Variants in BCAR3 observed in about 807,000 individuals in gnomAD.
The protein encoded by BCAR3 is BCAR3 adaptor protein, NSP family member, also known as breast cancer anti-estrogen resistance protein 3.
A neutral mutation model predicts 80.1 loss-of-function variants in BCAR3; 37 were observed. The observed-to-expected ratio is 0.46, with a 90% CI of 0.36 to 0.61. The LOEUF (loss-of-function observed/expected upper bound fraction) is 0.61. Ranked by LOEUF, BCAR3 falls within the 20% of genes least tolerant of loss-of-function variation. The pLI, the probability that BCAR3 is intolerant of heterozygous loss-of-function variation, is 0.00. For missense variants in BCAR3, 978 were observed against 1,068.2 expected (o/e 0.92, Z 1.18); for synonymous variants, 389 against 418.9 (o/e 0.93, Z 0.87).
chr1:93,660,053 CGTGT>C (rs76729025), intron 2 of BCAR3, among the ~76,000 whole-genome samples: 59 of 147,320 alleles, frequency 4.0e-4, no homozygotes, highest in African/African-American at 8.5e-4. Context: ...AATAAATGAA[CGTGT>C]GTGTGTGTGT....
At position 93,592,179 on chromosome 1, in the gene BCAR3, G is replaced by A; in HGVS notation, c.486+86C>T. The A allele has an allele frequency of 6.4e-7, 1 of 1,565,828 alleles. No individual in the cohort carries two copies. The highest frequency in any genetic ancestry group is 8.6e-7 in the Non-Finnish European group (1 of 1,156,962). On this transcript the variant is annotated intron_variant, in intron 4 of 11. Transcript: ENST00000260502. The surrounding 1 kb of genome is among the most constrained non-coding windows in gnomAD (Gnocchi z 4.8). ...TTACACAGGTGCTTCCGCCCATGTG[G>A]CCTCGGAGTGGGACCCTGCGGGTCA...
At chr1:93,839,338 A>G (rs534022615) in intron 2 of BCAR3, among the ~76,000 whole-genome samples, 5 of 152,242 alleles carry the variant, frequency 3.3e-5, no homozygotes, top group Non-Finnish European at 7.3e-5. Flanking sequence ...TGGGCAATGT[A>G]TCTAGTTAGA....
intron 7 of BCAR3, among the ~76,000 whole-genome samples, chr1:93,580,677 G>A (rs1331167185): frequency 6.6e-6 from 1 of 152,138 alleles, no homozygotes; most frequent in South Asian, 2.1e-4. Context: ...GATTGCATAG[G>A]TTATATGCAA....
At chr1:93,716,926 A>C (rs1571069500) in intron 2 of BCAR3, among the ~76,000 whole-genome samples, 1 of 152,342 alleles carries the variant, frequency 6.6e-6, no homozygotes, top group East Asian at 1.9e-4. Context: ...GTGAAGCTGT[A>C]GATGGGCTCG....
chr1:93,758,153 G>C (rs1237525975), intron 2 of BCAR3, among the ~76,000 whole-genome samples: 2 of 151,736 alleles, frequency 1.3e-5, no homozygotes, highest in African/African-American at 4.9e-5. Flanking sequence ...CACTCCCGAA[G>C]TCAGGAGGAC....
intron 2 of BCAR3, among the ~76,000 whole-genome samples, chr1:93,724,833 T>C (rs923778859): frequency 6.6e-6 from 1 of 152,022 alleles, no homozygotes; most frequent in African/African-American, 2.4e-5. Context: ...TCCTCAAGGG[T>C]TTCTCTCCAC....
chr1:93,584,002 A>G lies in BCAR3; in HGVS notation c.1033+16T>C. On this transcript the variant is annotated intron_variant, in intron 6 of 11. Coordinates refer to ENST00000260502, the MANE Select transcript of BCAR3 (RefSeq NM_003567.4). ...GGTAACACTGACGTTCTCCCTGAAA[A>G]TTCCCCGAAACATACCAATCGGCAG... 2.5e-6 allele frequency: 4 copies of G among 1,611,080 alleles called. No individual in the cohort carries two copies. Among genetic ancestry groups the G allele is most frequent in the Non-Finnish European group, 2.5e-6 (3 of 1,177,814 alleles).
chr1:93,768,099 G>C (rs1652218263), intron 2 of BCAR3, among the ~76,000 whole-genome samples: 1 of 152,170 alleles, frequency 6.6e-6, no homozygotes, highest in Non-Finnish European at 1.5e-5. Flanking sequence ...GACGTGCTGG[G>C]ACTACATGGC....
intron 7 of BCAR3, 130 bp from the exon 8 acceptor site, chr1:93,576,259 G>GAA: frequency 1.5e-6 from 1 of 688,910 alleles, no homozygotes; most frequent in Non-Finnish European, 2.6e-6. Context: ...TTCTTTATAA[G>GAA]CAGCTGCTGA....
chr1:93,664,407 C>CCG (rs1647804140), intron 2 of BCAR3, among the ~76,000 whole-genome samples: 1 of 152,226 alleles, frequency 6.6e-6, no homozygotes, highest in South Asian at 2.1e-4. Context: ...GCGTGAGCCA[C>CCG]CGCGCCTGGC....
At chr1:93,563,363 A>G (rs1027888880) in intron 11 of BCAR3, among the ~76,000 whole-genome samples, 1 of 152,032 alleles carries the variant, frequency 6.6e-6, no homozygotes, top group Non-Finnish European at 1.5e-5. Context: ...AGATTATTCC[A>G]TATGTTGCAT....
chr1:93,728,542 G>C (rs923021439), intron 2 of BCAR3, among the ~76,000 whole-genome samples: 1 of 152,214 alleles, frequency 6.6e-6, no homozygotes, highest in African/African-American at 2.4e-5. Flanking sequence ...TGGAGAATGA[G>C]TGCAAGGTTT....
chr1:93,773,791 C>A (rs751022886), intron 2 of BCAR3, among the ~76,000 whole-genome samples: 1 of 152,124 alleles, frequency 6.6e-6, no homozygotes, highest in Non-Finnish European at 1.5e-5. Flanking sequence ...CTTATGTTTT[C>A]TTTATATTAA....
Position 93,666,325 on chromosome 1 carries a change from T to C in BCAR3, c.317+8289A>G, listed in dbSNP as rs573263889. On this transcript the variant is annotated intron_variant, in intron 2 of 11. Coordinates refer to ENST00000260502, the MANE Select transcript of BCAR3 (RefSeq NM_003567.4). ...AATTTTAATCCTTTATTTAACCTAC[T>C]ATTTCAAAGACATTATTTCAACACG... 2.0e-5 allele frequency among the ~76,000 whole-genome samples: 3 copies of C among 152,364 alleles called. 1 individual carries two copies. Among genetic ancestry groups the C allele is most frequent in the African/African-American group, 7.2e-5 (3 of 41,586 alleles).
chr1:93,715,395 T>C lies in BCAR3; in HGVS notation c.-62-9253A>G, dbSNP rs373024379. Reference sequence around the variant, plus strand: ...ACAAAGATTGCCTTGGAGATTTTCATCTACCCCTTTGCAGTAGGCAGGACC... The same window carrying C: ...ACAAAGATTGCCTTGGAGATTTTCACCTACCCCTTTGCAGTAGGCAGGACC... On this transcript the variant is annotated intron_variant, in intron 2 of 13. Transcript: ENST00000370244. 1.6e-3 allele frequency among the ~76,000 whole-genome samples: 246 copies of C among 152,346 alleles called. 1 individual carries two copies. Among genetic ancestry groups the C allele is most frequent in the African/African-American group, 5.7e-3 (236 of 41,582 alleles).
chr1:93,628,016 A>G (rs1675501860), intron 3 of BCAR3, among the ~76,000 whole-genome samples: 1 of 152,326 alleles, frequency 6.6e-6, no homozygotes, highest in African/African-American at 2.4e-5. Flanking sequence ...GAAACGACAA[A>G]TAAAAAAAAC....
Position 93,586,137 on chromosome 1 carries a change from A to G in BCAR3, c.930-2016T>C. 6.6e-6 allele frequency among the ~76,000 whole-genome samples: 1 copy of G among 151,810 alleles called. No individual in the cohort carries two copies. Among genetic ancestry groups the G allele is most frequent in the Non-Finnish European group, 1.5e-5 (1 of 67,958 alleles). On this transcript the variant is annotated intron_variant, in intron 5 of 11. Transcript: ENST00000260502. The surrounding 1 kb of genome is among the most constrained non-coding windows in gnomAD (Gnocchi z 4.2). ...CCTATTGTGTTATCAAATAAGTCTT[A>G]TTCATTCTTTCTAAATTTTTTGTAC...
At chr1:93,685,955 T>C (rs1648960078), upstream of BCAR3, among the ~76,000 whole-genome samples, 1 of 152,184 alleles carries the variant, frequency 6.6e-6, no homozygotes. Context: ...TTCTACCCAT[T>C]TGTAGGTCTT....
Position 93,721,342 on chromosome 1 carries a change from C to G in BCAR3, c.-62-15200G>C, listed in dbSNP as rs369501776. Among the ~76,000 whole-genome samples the G allele has an allele frequency of 6.6e-5, 10 of 152,200 alleles. No individual in the cohort carries two copies. In the South Asian group the frequency reaches 1.7e-3, roughly 25 times the overall value. On this transcript the variant is annotated intron_variant, in intron 2 of 13. Transcript: ENST00000370244. ...ACAGCAGTGGTTTGCCCAGGTTGTC[C>G]CCTCTGCCCAGAGAGTTCACCTCTA...
Sources: allele counts gnomAD v4.1 joint callset (sites outside exome capture counted in the v4.1 genomes callset), GRCh38; gene constraint gnomAD v4.1.1; non-coding constraint Gnocchi (gnomAD v3.1); transcripts MANE v1.5; gene names NCBI Gene and HGNC (gene_info 2026-07-23, HGNC 2026-07-21).